KNSTRN: variants seen among roughly 807,000 people sequenced by gnomAD.
The protein encoded by KNSTRN is kinetochore localized astrin (SPAG5) binding protein.
A neutral mutation model predicts 44.7 loss-of-function variants in KNSTRN; 38 were observed. The ratio of observed to expected loss-of-function variants is 0.85; its 90% CI spans 0.66 to 1.11. KNSTRN has a LOEUF of 1.11. KNSTRN is among the 50% of genes most tolerant of loss of function. The pLI is 0.00. For synonymous variants in KNSTRN, 158 were observed against 148.1 expected (o/e 1.07, Z -0.48); for missense variants, 406 against 375.8 (o/e 1.08, Z -0.66).
intron 2 of KNSTRN, 70 bp downstream of exon 2, chr15:40,383,392 A>C (rs1889849151): frequency 1.6e-6 from 2 of 1,232,274 alleles, no homozygotes; most frequent in Non-Finnish European, 2.3e-6. Flanking sequence ...TGGAGATCGA[A>C]TGGGTGGCGC....
intron 8 of KNSTRN, chr15:40,393,077 A>T (rs1242267349): frequency 1.1e-5 from 11 of 1,017,146 alleles, no homozygotes. Flanking sequence ...TGTGTAACAC[A>T]GTAGGTTGCT....
In KNSTRN at chr15:40,393,264, T is replaced by A. The variant is rs1439501853; in HGVS notation, c.823-205T>A. On this transcript the variant is annotated intron_variant, in intron 8 of 8. Coordinates refer to ENST00000249776, the MANE Select transcript of KNSTRN (RefSeq NM_033286.4). ...CATCGTTCCAGTTTAGATACAGGAG[T>A]CTAGTCCCTCTCTACTACTAGAGGG... The A allele has an allele frequency of 5.0e-6, 8 of 1,612,948 alleles. No individual in the cohort carries two copies. In the East Asian group the frequency reaches 1.8e-4, roughly 36 times the overall value.
In KNSTRN at chr15:40,389,603, G is replaced by A. The variant is rs1889963625; in HGVS notation, c.583G>A (p.Glu195Lys). 3 of 1,611,866 alleles carry A rather than the reference G, an allele frequency of 1.9e-6. No individual in the cohort carries two copies. The highest frequency in any genetic ancestry group is 1.3e-5 in the African/African-American group (1 of 75,024). Residue 195 changes from glutamate (E) to lysine (K), a missense_variant, in exon 5 of 9, where the codon GAA becomes AAA. Glu to Lys is a moderately conservative substitution (Grantham distance 56). Transcript: ENST00000249776. ...CAAGCAGTTGCACCAGAAGTTGACT[G>A]AAACTCAGGTAAGAGACCCACCAGA... ...VNKQLHQKLT[E>K]TQGELKDLTQ...
intron 4 of KNSTRN, 35 bp from the exon 5 acceptor site, chr15:40,389,462 GTTAACCCTT>G (rs745994551): frequency 1.3e-4 from 187 of 1,489,430 alleles, no homozygotes; most frequent in Non-Finnish European, 1.6e-4. Context: ...GGGCCATACT[GTTAACCCTT>G]TTATCTTTTC....
At chr15:40,393,165 A>C in intron 8 of KNSTRN, 1 of 1,612,540 alleles carries the variant, frequency 6.2e-7, no homozygotes, top group Non-Finnish European at 8.5e-7. Context: ...TGTAGTAAGC[A>C]CAGATTCTTT....
chr15:40,391,349 A>C (rs1889993288), intron 6 of KNSTRN, 144 bp from the exon 7 acceptor site: 1 of 613,354 alleles, frequency 1.6e-6, no homozygotes, highest in Non-Finnish European at 2.8e-6. Context: ...GCCAAGGTGA[A>C]AACTTAGGAG....
At chr15:40,384,454 C>T (rs1889870049) in intron 2 of KNSTRN, 3 of 455,798 alleles carry the variant, frequency 6.6e-6, no homozygotes, top group African/African-American at 2.0e-5. Flanking sequence ...TGTGTTGCCG[C>T]AGAACACCTG....
At chr15:40,389,712 A>T (rs1164768553) in intron 5 of KNSTRN, 101 bp downstream of exon 5, 1 of 1,294,210 alleles carries the variant, frequency 7.7e-7, no homozygotes, top group Non-Finnish European at 1.1e-6. Flanking sequence ...TAATGCACAG[A>T]TGCCCAAGGG....
intron 3 of KNSTRN, 165 bp downstream of exon 3, chr15:40,386,659 TG>T: frequency 1.5e-6 from 1 of 651,256 alleles, no homozygotes; most frequent in Admixed American, 3.1e-5. Context: ...CAGAACCCTC[TG>T]TGTTGATCTT....
At position 40,391,992 on chromosome 15, in the gene KNSTRN, A is replaced by G. The variant is rs752153773; in HGVS notation, c.791A>G (p.Glu264Gly). 2.5e-6 allele frequency: 4 copies of G among 1,611,832 alleles called. No individual in the cohort carries two copies. Among genetic ancestry groups the G allele is most frequent in the Non-Finnish European group, 3.4e-6 (4 of 1,179,236 alleles). The change falls in exon 8 of 9, where the codon GAA becomes GGA. Residue 264 changes from glutamate (E) to glycine (G), a missense_variant. Coordinates refer to ENST00000249776, the MANE Select transcript of KNSTRN (RefSeq NM_033286.4). ...CAAGAGGAGCTGAAGCTTTTTAACGAAACAGCCAAAAAGCAGATGGAGGAG... is the reference window on the plus strand; with the variant it reads ...CAAGAGGAGCTGAAGCTTTTTAACGGAACAGCCAAAAAGCAGATGGAGGAG... ...TLQEELKLFNETAKKQMEELQ... is the reference protein window; with the variant it reads ...TLQEELKLFNGTAKKQMEELQ...
At chr15:40,386,667 T>TC in intron 3 of KNSTRN, 173 bp downstream of exon 3, 1 of 637,556 alleles carries the variant, frequency 1.6e-6, no homozygotes, top group South Asian at 2.1e-5. Flanking sequence ...TCTGTGTTGA[T>TC]CTTTCTGAAG....
intron 8 of KNSTRN, chr15:40,393,157 T>C: frequency 6.2e-7 from 1 of 1,609,314 alleles, no homozygotes; most frequent in South Asian, 1.1e-5. Context: ...AGAAGACCTG[T>C]AGTAAGCACA....
intron 2 of KNSTRN, among the ~76,000 whole-genome samples, chr15:40,385,178 TGAACAAA>T (rs1889882324): frequency 6.6e-6 from 1 of 152,196 alleles, no homozygotes. Flanking sequence ...CATTTTACAG[TGAACAAA>T]GTGAGAGTAA....
chr15:40,385,866 C>T (rs1307874228), intron 2 of KNSTRN, among the ~76,000 whole-genome samples: 1 of 152,228 alleles, frequency 6.6e-6, no homozygotes, highest in Non-Finnish European at 1.5e-5. Flanking sequence ...GCTGTACTGT[C>T]ACGTTTAAAT....
Position 40,391,077 on chromosome 15 carries a change from C to T in KNSTRN, c.686-416C>T, listed in dbSNP as rs189212333. Among the ~76,000 whole-genome samples, 109 of 152,220 alleles carry T rather than the reference C, an allele frequency of 7.2e-4. No individual in the cohort carries two copies. In the Middle Eastern group the frequency reaches 0.01, roughly 14 times the overall value. On this transcript the variant is annotated intron_variant, in intron 6 of 8. Transcript: ENST00000249776. ...GACTACAGGTGTGCACCACCACATC[C>T]GACACCATAAATATTTTGTATGATT...
At position 40,382,768 on chromosome 15, in the gene KNSTRN, C is replaced by T. The variant is rs972787448; in HGVS notation, c.-68C>T. The T allele has an allele frequency of 3.1e-5, 44 of 1,430,912 alleles. 1 individual carries two copies. Among genetic ancestry groups the T allele is most frequent in the South Asian group, 3.7e-5 (3 of 81,404 alleles). 88.6% of individuals were successfully genotyped at this position (1,430,912 alleles called of 1,614,324 possible). A position where few individuals can be genotyped will look rare whatever the true frequency, so the allele number is the denominator to read the frequency against. On this transcript the variant is annotated 5_prime_UTR_variant, in exon 1 of 9. Transcript: ENST00000249776. ...AATTGCATCACCCTCCTCCTCTGCC[C>T]AGACCTGGGGGCTCCAACACCTTTC...
chr15:40,391,645 C>T, intron 7 of KNSTRN, 91 bp downstream of exon 7: 1 of 1,041,960 alleles, frequency 9.6e-7, no homozygotes, highest in Non-Finnish European at 1.5e-6. Context: ...TCCATAAACT[C>T]CAAGAAACAG....
chr15:40,383,112 G>A (rs1889841099), intron 1 of KNSTRN, 68 bp downstream of exon 1: 1 of 1,593,312 alleles, frequency 6.3e-7, no homozygotes, highest in Admixed American at 1.7e-5. Flanking sequence ...GGGAAAGGAG[G>A]ATTTTCTCTT....
intron 6 of KNSTRN, among the ~76,000 whole-genome samples, chr15:40,391,152 G>A (rs939342408): frequency 1.3e-5 from 2 of 151,970 alleles, no homozygotes; most frequent in Non-Finnish European, 2.9e-5. Context: ...ATTTTTTAAG[G>A]CCTGAAAGGC....
Sources: allele counts gnomAD v4.1 joint callset (sites outside exome capture counted in the v4.1 genomes callset), GRCh38; gene constraint gnomAD v4.1.1; transcripts MANE v1.5; gene names NCBI Gene and HGNC (gene_info 2026-07-23, HGNC 2026-07-21).